CTR9: variants seen among roughly 807,000 people sequenced by gnomAD.
CTR9 encodes the protein CTR9 component of Paf1/RNA polymerase II complex, also known as RNA polymerase-associated protein CTR9 homolog.
Under a neutral mutation model 152.1 loss-of-function variants are expected in CTR9, and 41 were observed. The observed-to-expected ratio is 0.27, with a 90% CI of 0.21 to 0.35. The LOEUF (loss-of-function observed/expected upper bound fraction) is 0.35. CTR9 is among the 10% of genes least tolerant of loss of function. CTR9 has a pLI of 1.00. For synonymous variants in CTR9, 476 were observed against 496.2 expected, an observed-to-expected ratio of 0.96 and a Z score of 0.54; for missense variants, 917 against 1,424.4, an observed-to-expected ratio of 0.64 and a Z score of 5.73.
chr11:10,760,965 T>C (rs1468316529), intron 6 of CTR9, among the ~76,000 whole-genome samples: 1 of 152,204 alleles, frequency 6.6e-6, no homozygotes, highest in Non-Finnish European at 1.5e-5. Context: ...AAAGGCTTTC[T>C]CTTAGAGAAG....
At chr11:10,773,906 C>A in intron 21 of CTR9, 106 bp from the exon 22 acceptor site, 3 of 658,928 alleles carry the variant, frequency 4.6e-6, no homozygotes, top group South Asian at 3.0e-5. Flanking sequence ...AAAAAAAATC[C>A]TTCATTGTCA....
chr11:10,776,871 G>A (rs2135387118), intron 24 of CTR9, among the ~76,000 whole-genome samples: 1 of 150,062 alleles, frequency 6.7e-6, no homozygotes, highest in South Asian at 2.1e-4. Flanking sequence ...TACTAGGGAG[G>A]CTGAGGGACA....
chr11:10,775,394 A>G (rs752739548), intron 23 of CTR9, 91 bp downstream of exon 23: 40 of 1,413,144 alleles, frequency 2.8e-5, no homozygotes, highest in Non-Finnish European at 3.8e-5. Flanking sequence ...AGCTTTCTCA[A>G]GCACAAATGC....
intron 12 of CTR9, 149 bp from the exon 13 acceptor site, chr11:10,766,253 G>T (rs2135372720): frequency 1.6e-6 from 1 of 633,446 alleles, no homozygotes; most frequent in Admixed American, 3.3e-5. Context: ...CTTGTTGGAT[G>T]GATGATTGAT....
chr11:10,768,310 A>G, intron 15 of CTR9, 33 bp from the exon 16 acceptor site: 1 of 1,590,272 alleles, frequency 6.3e-7, no homozygotes, highest in South Asian at 1.1e-5. Flanking sequence ...CCAATTAGAA[A>G]ATTGTTAAGT....
At position 10,778,959 on chromosome 11, in the gene CTR9, C is replaced by T; in HGVS notation, c.3376C>T (p.Pro1126Ser). 6.2e-7 allele frequency: 1 copy of T among 1,614,114 alleles called. No individual in the cohort carries two copies. Among genetic ancestry groups the T allele is most frequent in the Non-Finnish European group, 8.5e-7 (1 of 1,180,038 alleles). The change falls in exon 25 of 25, where the codon CCA becomes TCA. Residue 1126 changes from proline (P) to serine (S), a missense_variant. By Grantham distance (74) the Pro-to-Ser change is moderately conservative. Transcript: ENST00000361367. Reference protein sequence around the residue: ...VSENDSRPASPSAESDHESER... With the variant: ...VSENDSRPASSSAESDHESER... ...TGAGAACGACTCTCGCCCAGCTTCT[C>T]CAAGTGCCGAATCAGATCACGAATC...
At position 10,771,627 on chromosome 11, in the gene CTR9, T is replaced by G. The variant is rs1209345948; in HGVS notation, c.2444+11T>G. ...TGCTACAGAAGCCAGGTAATGTTAC[T>G]ATTTATGGAAGGTGACTTTGGGTGA... On this transcript the variant is annotated intron_variant, in intron 19 of 24. Coordinates refer to ENST00000361367, the MANE Select transcript of CTR9 (RefSeq NM_014633.5). 1 of 1,601,352 alleles carries G rather than the reference T, an allele frequency of 6.2e-7. No individual in the cohort carries two copies. The highest frequency in any genetic ancestry group is 8.6e-7 in the Non-Finnish European group (1 of 1,168,600).
At chr11:10,764,509 A>G in intron 11 of CTR9, 39 bp from the exon 12 acceptor site, 1 of 1,605,262 alleles carries the variant, frequency 6.2e-7, no homozygotes, top group South Asian at 1.1e-5. Context: ...AAAGTGTATA[A>G]ACTAAATCTT....
chr11:10,768,027 C>G (rs1383880359), intron 14 of CTR9, 36 bp downstream of exon 14: 2 of 1,613,024 alleles, frequency 1.2e-6, no homozygotes, highest in Non-Finnish European at 1.7e-6. Flanking sequence ...AAAACTGATA[C>G]TCTACATTCT....
chr11:10,756,960 A>C (rs1862894230), intron 5 of CTR9, 122 bp downstream of exon 5: 1 of 782,870 alleles, frequency 1.3e-6, no homozygotes, highest in Admixed American at 2.7e-5. Flanking sequence ...TGTCAGAATC[A>C]AGTTTTTTTT....
intron 23 of CTR9, 30 bp from the exon 24 acceptor site, chr11:10,775,491 G>C: frequency 6.4e-7 from 1 of 1,571,124 alleles, no homozygotes; most frequent in Middle Eastern, 1.7e-4. Flanking sequence ...TAAGAGTCTT[G>C]ACTAATCTAT....
chr11:10,768,945 G>A (rs1002754989), intron 16 of CTR9, among the ~76,000 whole-genome samples: 1 of 152,286 alleles, frequency 6.6e-6, no homozygotes, highest in South Asian at 2.1e-4. Flanking sequence ...CAGGCATGGT[G>A]GCTTACTCCT....
At chr11:10,777,604 T>C (rs954623291) in intron 24 of CTR9, among the ~76,000 whole-genome samples, 4 of 152,202 alleles carry the variant, frequency 2.6e-5, no homozygotes, top group South Asian at 2.1e-4. Context: ...GAAAGGTCCA[T>C]TGTGAGAGGC....
Position 10,767,780 on chromosome 11 carries a change from TC to T in CTR9, c.1687-24del. ...CTCTGTCAAACTAAACTGCAGATTT[TC>T]CTTCTTCATGTATGTATGTTTCAGG... On this transcript the variant is annotated intron_variant, in intron 13 of 24. Transcript: ENST00000361367. The surrounding 1 kb of genome is among the most constrained non-coding windows in gnomAD (Gnocchi z 4.0). 1.9e-6 allele frequency: 3 copies of T among 1,609,632 alleles called. No individual in the cohort carries two copies. The highest frequency in any genetic ancestry group is 2.6e-6 in the Non-Finnish European group (3 of 1,176,448).
intron 6 of CTR9, among the ~76,000 whole-genome samples, chr11:10,760,640 G>A (rs973198445): frequency 1.5e-4 from 23 of 151,028 alleles, no homozygotes; most frequent in African/African-American, 5.1e-4. Context: ...AAGGCATTTA[G>A]ATTTCAGAAT....
rs771636670 is a variant in CTR9 at position 10,754,966 on chromosome 11, C to G, written c.153C>G (p.Tyr51Ter). Residue 51 changes from tyrosine to a stop codon, truncating the protein, a stop_gained, in exon 3 of 25, where the codon TAC becomes TAG. Transcript: ENST00000361367. LOFTEE classifies it high-confidence loss of function. ...LHIWIALALE[Y>*]YKQGKTEEFV... The stretch of plus-strand genomic sequence containing the variant: ...GTTTCATTACCTTATAGCTGGAATA[C>G]TACAAGCAAGGAAAAACAGAAGAGT... 6.2e-7 allele frequency: 1 copy of G among 1,613,432 alleles called. No homozygotes were observed. The highest frequency in any genetic ancestry group is 8.5e-7 in the Non-Finnish European group (1 of 1,179,774).
rs554111932 is a variant in CTR9 at position 10,768,571 on chromosome 11, A to G, written c.2109+80A>G. 30 of 1,343,194 alleles carry G rather than the reference A, an allele frequency of 2.2e-5. 1 individual carries two copies. The South Asian group carries it at 3.5e-4, about 16-fold the overall frequency. The allele number at this position is 1,343,194 out of a possible 1,614,324, so 83.2% of individuals were successfully genotyped here. On this transcript the variant is annotated intron_variant, in intron 16 of 24. Coordinates refer to ENST00000361367, the MANE Select transcript of CTR9 (RefSeq NM_014633.5). ...TTTTCTTAGCCATTCTGGCCCTGTC[A>G]TGGAGCTGCATGCTATCTCTTGTGA... is the stretch of plus-strand genomic sequence containing the variant.
At chr11:10,758,980 A>G (rs977202818) in intron 5 of CTR9, among the ~76,000 whole-genome samples, 7 of 152,184 alleles carry the variant, frequency 4.6e-5, no homozygotes, top group African/African-American at 7.2e-5. Context: ...CCATTCTTAC[A>G]CCTTGCACTC....
At position 10,761,994 on chromosome 11, in the gene CTR9, T is replaced by C; in HGVS notation, c.789T>C (p.Thr263=). The C allele has an allele frequency of 6.2e-7, 1 of 1,611,836 alleles. No individual in the cohort carries two copies. The highest frequency in any genetic ancestry group is 2.2e-5 in the East Asian group (1 of 44,732). Residue 263 remains threonine (T), a synonymous_variant, in exon 7 of 25, where the codon ACT becomes ACC. Coordinates refer to ENST00000361367, the MANE Select transcript of CTR9 (RefSeq NM_014633.5). ...NGVQLLSRAY[T]IDPSNPMVLN... is the part of the protein sequence containing the mutation. Reference sequence around the variant, plus strand: ...TCCAGCTTCTTTCCAGAGCCTATACTATTGATCCTAGCAACCCTATGGTAT... The same window carrying C: ...TCCAGCTTCTTTCCAGAGCCTATACCATTGATCCTAGCAACCCTATGGTAT...
Sources: gnomAD v4.1 joint callset for allele counts (sites outside exome capture counted in the v4.1 genomes callset) on GRCh38, gnomAD v4.1.1 for gene constraint, Gnocchi (gnomAD v3.1) non-coding constraint, MANE v1.5 for transcripts, NCBI Gene and HGNC (gene_info 2026-07-23, HGNC 2026-07-21) for gene names.